Variants in ASXL1 observed in about 807,000 individuals in gnomAD.
The protein encoded by ASXL1 is polycomb group protein ASXL1.
Under a neutral mutation model 89.1 loss-of-function variants are expected in ASXL1, and 65 were observed. The observed-to-expected ratio is 0.73, with a 90% CI of 0.60 to 0.90. The LOEUF (loss-of-function observed/expected upper bound fraction) is 0.90. Among genes scored for constraint, ASXL1 ranks in the 40% least tolerant of loss-of-function variants. ASXL1 has a pLI of 0.00. For missense variants in ASXL1, 1,786 were observed against 1,942.9 expected, an observed-to-expected ratio of 0.92 and a Z score of 1.52; for synonymous variants, 739 against 746.9, an observed-to-expected ratio of 0.99 and a Z score of 0.17.
At chr20:32,428,802 A>T (rs765578811) in intron 6 of ASXL1, 4 of 295,406 alleles carry the variant, frequency 1.4e-5, no homozygotes, top group Non-Finnish European at 2.6e-5. Flanking sequence ...CTGGGATTAC[A>T]GGCACGTACC....
chr20:32,423,305 C>T (rs189916207), intron 4 of ASXL1, among the ~76,000 whole-genome samples: 38 of 152,102 alleles, frequency 2.5e-4, no homozygotes, highest in Admixed American at 1.2e-3. Context: ...TCTCAGCTCA[C>T]TGCAACCTCC....
intron 4 of ASXL1, among the ~76,000 whole-genome samples, chr20:32,391,590 A>G (rs1001766657): frequency 2.6e-5 from 4 of 152,192 alleles, no homozygotes; most frequent in African/African-American, 9.7e-5. Flanking sequence ...TCCAGGCTCA[A>G]GCGATCCTCT....
At chr20:32,364,783 G>C (rs1334515202) in intron 1 of ASXL1, among the ~76,000 whole-genome samples, 1 of 152,254 alleles carries the variant, frequency 6.6e-6, no homozygotes, top group African/African-American at 2.4e-5. Flanking sequence ...AGTTCTACCA[G>C]AGCAGGGATT....
intron 4 of ASXL1, among the ~76,000 whole-genome samples, chr20:32,417,601 T>C (rs1253041155): frequency 1.3e-5 from 2 of 152,242 alleles, no homozygotes; most frequent in Non-Finnish European, 2.9e-5. Flanking sequence ...AATTCTTCTT[T>C]AGGATTTTCA....
intron 1 of ASXL1, among the ~76,000 whole-genome samples, chr20:32,362,741 C>T (rs1413080805): frequency 6.6e-6 from 1 of 152,166 alleles, no homozygotes; most frequent in Non-Finnish European, 1.5e-5. Flanking sequence ...TTGATTTTTG[C>T]AGATGTTAAT....
chr20:32,380,846 T>C (rs1170513966), intron 4 of ASXL1, among the ~76,000 whole-genome samples: 7 of 152,218 alleles, frequency 4.6e-5, no homozygotes, highest in Non-Finnish European at 2.9e-5. Flanking sequence ...AACAAAATCA[T>C]GGAGCTTATC....
chr20:32,395,467 A>G (rs1327458215), intron 4 of ASXL1, among the ~76,000 whole-genome samples: 1 of 151,998 alleles, frequency 6.6e-6, no homozygotes, highest in Non-Finnish European at 1.5e-5. Flanking sequence ...TTTTTCAGCA[A>G]TGTGTTTATT....
intron 1 of ASXL1, chr20:32,359,569 C>CT (rs1388944980): frequency 5.9e-5 from 39 of 663,750 alleles, no homozygotes; most frequent in South Asian, 2.0e-4. Context: ...GAAACGCAGA[C>CT]TGGGCTGTTT....
At chr20:32,367,599 C>T in intron 2 of ASXL1, 128 bp from the exon 3 acceptor site, 2 of 719,402 alleles carry the variant, frequency 2.8e-6, no homozygotes, top group Non-Finnish European at 5.1e-6. Flanking sequence ...TTGAGATTGT[C>T]TACATCACAT....
rs1341638621 is a variant in ASXL1 at position 32,436,510 on chromosome 20, T to TA, written c.3799dup (p.Thr1267AsnfsTer27). ...CTCCAGGAAAGAGCCCAGGAGATCT[T>TA]ACTACCTCGAGAACACCTCGTTTCT... On this transcript the variant is annotated frameshift_variant, in exon 13 of 13. Transcript: ENST00000375687. LOFTEE classifies it high-confidence loss of function. 6.2e-7 allele frequency: 1 copy of TA among 1,614,120 alleles called. No individual in the cohort carries two copies. The highest frequency in any genetic ancestry group is 8.5e-7 in the Non-Finnish European group (1 of 1,180,052).
chr20:32,370,158 G>A (rs1371942642), intron 4 of ASXL1, among the ~76,000 whole-genome samples: 1 of 152,148 alleles, frequency 6.6e-6, no homozygotes, highest in Non-Finnish European at 1.5e-5. Flanking sequence ...TAATTATAAA[G>A]TAAGAGTACT....
At position 32,433,704 on chromosome 20, in the gene ASXL1, A is replaced by C. The variant is rs2011612769; in HGVS notation, c.1506A>C (p.Ala502=). The change falls in exon 12 of 13, where the codon GCA becomes GCC. Residue 502 remains alanine (A), a synonymous_variant. Transcript: ENST00000375687. The stretch of plus-strand genomic sequence containing the variant: ...CAGACAACTTGGCACGTGCCTCTGC[A>C]TCTCCAGACAGAATTCCTAGCCTGC... The part of the protein sequence containing the change: ...AEPDNLARAS[A]SPDRIPSLPQ... The C allele has an allele frequency of 1.2e-6, 2 of 1,612,080 alleles. No homozygotes were observed. The highest frequency in any genetic ancestry group is 2.7e-5 in the African/African-American group (2 of 74,928).
intron 4 of ASXL1, among the ~76,000 whole-genome samples, chr20:32,395,827 C>G (rs543725550): frequency 6.6e-6 from 1 of 152,226 alleles, no homozygotes; most frequent in East Asian, 1.9e-4. Context: ...GAGACGGAGT[C>G]TCATTCTGTC....
chr20:32,431,146 G>A, intron 8 of ASXL1, 175 bp from the exon 9 acceptor site: 1 of 809,022 alleles, frequency 1.2e-6, no homozygotes, highest in Non-Finnish European at 2.1e-6. Context: ...GGGTTTGATG[G>A]CAATGACAGT....
At chr20:32,374,487 G>GT (rs904565378) in intron 4 of ASXL1, among the ~76,000 whole-genome samples, 2 of 151,764 alleles carry the variant, frequency 1.3e-5, no homozygotes, top group African/African-American at 4.8e-5. Context: ...AGATGGAGGG[G>GT]GTCTCATTTT....
chr20:32,433,012 G>C (rs201294500), intron 11 of ASXL1, 27 bp downstream of exon 11: 257 of 1,612,100 alleles, frequency 1.6e-4, no homozygotes, highest in Admixed American at 2.8e-4. Context: ...TATGAGTCCT[G>C]GTCTGGGGTT....
intron 4 of ASXL1, among the ~76,000 whole-genome samples, chr20:32,426,056 C>A (rs183228829): frequency 2.0e-5 from 3 of 152,252 alleles, no homozygotes; most frequent in Admixed American, 2.0e-4. Context: ...ATGTAAGTTG[C>A]AGATATCTTT....
rs1359019411 is a variant in ASXL1, at chr20:32,366,350, G to A, written c.58-34G>A. ...GGATGGATGGATATAAATGGAAATT[G>A]CACACTGAAATTAGGACGTTTATAT... On this transcript the variant is annotated intron_variant, in intron 1 of 12. Coordinates refer to ENST00000375687, the MANE Select transcript of ASXL1 (RefSeq NM_015338.6). 9 of 1,542,404 alleles carry A rather than the reference G, an allele frequency of 5.8e-6. No homozygotes were observed. In the Admixed American group the frequency reaches 1.5e-4, roughly 26 times the overall value.
intron 4 of ASXL1, among the ~76,000 whole-genome samples, chr20:32,417,133 C>T (rs1178535562): frequency 1.3e-5 from 2 of 152,296 alleles, no homozygotes; most frequent in East Asian, 3.9e-4. Flanking sequence ...TCTTTGTCTA[C>T]ATTTTATTTT....
Sources: gnomAD v4.1 joint callset for allele counts (sites outside exome capture counted in the v4.1 genomes callset) on GRCh38, gnomAD v4.1.1 for gene constraint, MANE v1.5 for transcripts, NCBI Gene and HGNC (gene_info 2026-07-23, HGNC 2026-07-21) for gene names.